Variants in OC90 observed in about 807,000 individuals in gnomAD.
OC90 encodes the protein otoconin 90, also known as otoconin-90.
A neutral mutation model predicts 47.3 loss-of-function variants in OC90; 46 were observed. The ratio of observed to expected loss-of-function variants is 0.97; its 90% CI spans 0.77 to 1.24. The LOEUF is 1.24. Among genes scored for constraint, OC90 ranks in the 50% most tolerant of loss-of-function variants. OC90 has a pLI of 0.00. For synonymous variants in OC90, 271 were observed against 219.5 expected (o/e 1.23, Z -2.07); for missense variants, 688 against 583.9 (o/e 1.18, Z -1.84).
chr8:132,039,271 T>C, intron 6 of OC90, 148 bp from the exon 7 acceptor site: 1 of 865,460 alleles, frequency 1.2e-6, no homozygotes, highest in South Asian at 1.6e-5. Context: ...AGCTCTTATC[T>C]CTTTAGGGGT....
At chr8:132,059,127 C>T (rs1823313821) in intron 1 of OC90, among the ~76,000 whole-genome samples, 1 of 150,264 alleles carries the variant, frequency 6.7e-6, no homozygotes. Flanking sequence ...CTTCCCTCCC[C>T]TCCTTCCTCC....
At position 132,034,775 on chromosome 8, in the gene OC90, G is replaced by C. The variant is rs775368031; in HGVS notation, c.733+6C>G. The stretch of plus-strand genomic sequence containing the variant: ...AACATAGGCAGGTGGAGCCCAGTAG[G>C]CTTACCTGGAGGGGACGTAGCCCTA... On this transcript the variant is annotated splice_donor_region_variant and intron_variant, in intron 10 of 13. Coordinates refer to ENST00000254627, the MANE Select transcript of OC90 (RefSeq NM_001080399.3). 80 of 1,604,002 alleles carry C rather than the reference G, an allele frequency of 5.0e-5. No individual in the cohort carries two copies. Among genetic ancestry groups the C allele is most frequent in the Non-Finnish European group, 5.5e-5 (65 of 1,171,844 alleles).
intron 9 of OC90, among the ~76,000 whole-genome samples, chr8:132,035,508 A>G (rs1822944569): frequency 6.6e-6 from 1 of 152,168 alleles, no homozygotes; most frequent in Non-Finnish European, 1.5e-5. Flanking sequence ...AGACTATTTC[A>G]CTTCTGGCTG....
chr8:132,038,457 C>A (rs372941818), intron 8 of OC90, among the ~76,000 whole-genome samples: 1 of 152,118 alleles, frequency 6.6e-6, no homozygotes, highest in Non-Finnish European at 1.5e-5. Flanking sequence ...CTGAGCACTA[C>A]GTCTTGTCCC....
intron 10 of OC90, among the ~76,000 whole-genome samples, 190 bp from the exon 11 acceptor site, chr8:132,033,354 A>T (rs1455823000): frequency 6.6e-6 from 1 of 152,200 alleles, no homozygotes; most frequent in African/African-American, 2.4e-5. Context: ...ATTTTCTATG[A>T]TAACCTTAAC....
Position 132,032,172 on chromosome 8 carries a change from G to A in OC90, c.860-120C>T, listed in dbSNP as rs1389152881. 12 of 837,092 alleles carry A rather than the reference G, an allele frequency of 1.4e-5. No individual in the cohort carries two copies. In the Admixed American group the frequency reaches 2.5e-4, roughly 17 times the overall value. The allele number at this position is 837,092 out of a possible 1,614,324, so 51.9% of individuals were successfully genotyped here. On this transcript the variant is annotated intron_variant, in intron 11 of 13. Coordinates refer to ENST00000254627, the MANE Select transcript of OC90 (RefSeq NM_001080399.3). ...CTCTAGTCATGCAAAGGAACCCCATGTCTTACTCGTTGGCTCACCATTCTT... is the reference window on the plus strand; with the variant it reads ...CTCTAGTCATGCAAAGGAACCCCATATCTTACTCGTTGGCTCACCATTCTT...
intron 1 of OC90, among the ~76,000 whole-genome samples, chr8:132,056,409 G>T (rs1417961224): frequency 6.6e-6 from 1 of 152,176 alleles, no homozygotes; most frequent in African/African-American, 2.4e-5. Flanking sequence ...CTATCCCAGG[G>T]TCTAGCACAA....
rs186817190 is a variant in OC90, at chr8:132,041,536, A to G, written c.333T>C (p.Asp111=). 57 of 1,611,080 alleles carry G rather than the reference A, an allele frequency of 3.5e-5. No individual in the cohort carries two copies. The East Asian group carries it at 1.2e-3, about 35-fold the overall frequency. ...CRFEMEGLPV[D]ESDSCCFQHR... Reference sequence around the variant, plus strand: ...TGGAACTCACTTACCTGTCAGATTCATCCACAGGCAACCCTTCCATCTCAA... The same window carrying G: ...TGGAACTCACTTACCTGTCAGATTCGTCCACAGGCAACCCTTCCATCTCAA... The change falls in exon 5 of 14, where the codon GAT becomes GAC. Residue 111 remains aspartate (D), a synonymous_variant. Coordinates refer to ENST00000254627, the MANE Select transcript of OC90 (RefSeq NM_001080399.3).
intron 2 of OC90, 45 bp from the exon 3 acceptor site, chr8:132,045,928 C>A: frequency 1.8e-6 from 2 of 1,090,510 alleles, no homozygotes; most frequent in East Asian, 2.6e-5. Flanking sequence ...AACACTGATA[C>A]AATTCACTTG....
At position 132,039,837 on chromosome 8, in the gene OC90, C is replaced by G. The variant is rs774480536; in HGVS notation, c.458-714G>C. 3.9e-5 allele frequency among the ~76,000 whole-genome samples: 6 copies of G among 152,034 alleles called. 1 individual carries two copies. The highest frequency in any genetic ancestry group is 8.8e-5 in the Non-Finnish European group (6 of 68,018). On this transcript the variant is annotated intron_variant, in intron 6 of 13. Coordinates refer to ENST00000254627, the MANE Select transcript of OC90 (RefSeq NM_001080399.3). ...GCCCATTCTTTAAGTCATCCTCAAC[C>G]CTCATCATCTCCAGGAGGCTTTTCT...
intron 10 of OC90, among the ~76,000 whole-genome samples, chr8:132,033,487 G>A (rs781630038): frequency 4.0e-4 from 61 of 152,320 alleles, no homozygotes; most frequent in Admixed American, 2.8e-3. Context: ...GGGCATTATG[G>A]CGCTCACAGC....
intron 9 of OC90, 31 bp from the exon 10 acceptor site, chr8:132,034,865 C>T (rs1478362594): frequency 6.3e-7 from 1 of 1,579,656 alleles, no homozygotes; most frequent in East Asian, 2.2e-5. Context: ...ACAGCATGAG[C>T]ATCCACCCCA....
rs1823053074 is a variant in OC90 at position 132,041,561 on chromosome 8, A to G, written c.308T>C (p.Phe103Ser). The G allele has an allele frequency of 1.2e-6, 2 of 1,612,324 alleles. No homozygotes were observed. The highest frequency in any genetic ancestry group is 1.7e-5 in the Admixed American group (1 of 59,796). Residue 103 changes from phenylalanine (F) to serine (S), a missense_variant, in exon 5 of 14, where the codon TTT (phenylalanine) becomes TCT (serine). Coordinates refer to ENST00000254627, the MANE Select transcript of OC90 (RefSeq NM_001080399.3). ...DFEDYGCTCR[F>S]EMEGLPVDES... Reference sequence around the variant, plus strand: ...ATCCACAGGCAACCCTTCCATCTCAAACCTGCAGGTGCAACCATAGTCTTC... The same window carrying G: ...ATCCACAGGCAACCCTTCCATCTCAGACCTGCAGGTGCAACCATAGTCTTC...
At chr8:132,041,462 T>A in intron 5 of OC90, 63 bp downstream of exon 5, 1 of 1,447,274 alleles carries the variant, frequency 6.9e-7, no homozygotes, top group Non-Finnish European at 9.4e-7. Context: ...CTTGCCAAGG[T>A]ATCAGCCAGG....
At chr8:132,029,737 CA>C (rs1417454201) in intron 12 of OC90, among the ~76,000 whole-genome samples, 1 of 152,176 alleles carries the variant, frequency 6.6e-6, no homozygotes, top group Non-Finnish European at 1.5e-5. Context: ...CTCGTAAATA[CA>C]TGAAAATGAG....
intron 2 of OC90, among the ~76,000 whole-genome samples, chr8:132,050,511 G>C (rs1399637763): frequency 6.6e-6 from 1 of 152,196 alleles, no homozygotes; most frequent in Non-Finnish European, 1.5e-5. Flanking sequence ...AGGATTCTGA[G>C]AGGCTGCAGG....
chr8:132,032,488 C>G (rs1326344260), intron 11 of OC90, among the ~76,000 whole-genome samples: 1 of 152,132 alleles, frequency 6.6e-6, no homozygotes, highest in Non-Finnish European at 1.5e-5. Flanking sequence ...CCACTCCCCT[C>G]TCTTTCTCTG....
intron 13 of OC90, among the ~76,000 whole-genome samples, chr8:132,028,664 AAGAGAGAC>A (rs1563727625): frequency 7.1e-4 from 93 of 131,124 alleles, no homozygotes; most frequent in African/African-American, 2.8e-3. Flanking sequence ...GAAAGAAAGA[AAGAGAGAC>A]AGAAAGAAAG....
intron 6 of OC90, among the ~76,000 whole-genome samples, chr8:132,040,126 A>G (rs1238225972): frequency 1.3e-5 from 2 of 152,130 alleles, no homozygotes; most frequent in African/African-American, 4.8e-5. Flanking sequence ...CCTCCCACCT[A>G]GTGGTTCACA....
Sources: gnomAD v4.1 joint callset for allele counts (sites outside exome capture counted in the v4.1 genomes callset) on GRCh38, gnomAD v4.1.1 for gene constraint, MANE v1.5 for transcripts, NCBI Gene and HGNC (gene_info 2026-07-23, HGNC 2026-07-21) for gene names.